Variants in RBFOX2 observed in about 807,000 individuals in gnomAD.
RBFOX2 encodes RNA binding fox-1 homolog 2, also known as RNA binding protein fox-1 homolog 2.
In RBFOX2, 10 loss-of-function variants were observed where a neutral mutation model predicts 49.1. The observed-to-expected ratio is 0.20, with a 90% confidence interval of 0.13 to 0.35. The LOEUF is 0.35. Among genes scored for constraint, RBFOX2 ranks in the 10% least tolerant of loss-of-function variants. The pLI is 1.00. For synonymous variants in RBFOX2, 183 were observed against 187.4 expected (o/e 0.98, Z 0.19); for missense variants, 323 against 486.9 (o/e 0.66, Z 3.17).
At chr22:35,741,956 C>T (rs1930171085) in exon 12 of RBFOX2, 1 of 152,348 alleles carries the variant, frequency 6.6e-6, no homozygotes, top group South Asian at 2.1e-4. Context: ...GGGAATGGCC[C>T]CTTTGTGATC....
chr22:35,949,446 C>T (rs1306162157), intron 1 of RBFOX2, among the ~76,000 whole-genome samples: 1 of 152,160 alleles, frequency 6.6e-6, no homozygotes, highest in Non-Finnish European at 1.5e-5. Context: ...GGTGTTTGCA[C>T]AGTGACAATA....
chr22:36,002,022 C>G (rs549569894), intron 1 of RBFOX2, among the ~76,000 whole-genome samples: 41 of 152,290 alleles, frequency 2.7e-4, no homozygotes, highest in African/African-American at 8.7e-4. Context: ...CGAGATTGTG[C>G]CACTGCACTC....
At chr22:36,020,120 A>G (rs1047158921) in intron 1 of RBFOX2, among the ~76,000 whole-genome samples, 1 of 152,224 alleles carries the variant, frequency 6.6e-6, no homozygotes, top group African/African-American at 2.4e-5. Context: ...GATCTTTGAC[A>G]AACCTGACAA....
chr22:35,943,241 T>C (rs1489644351), upstream of RBFOX2, among the ~76,000 whole-genome samples: 1 of 152,234 alleles, frequency 6.6e-6, no homozygotes, highest in African/African-American at 2.4e-5. Context: ...TATCTAATGA[T>C]ATGCAAGTCT....
intron 1 of RBFOX2, among the ~76,000 whole-genome samples, chr22:36,017,987 T>C (rs2059107548): frequency 6.6e-6 from 1 of 152,170 alleles, no homozygotes; most frequent in Non-Finnish European, 1.5e-5. Context: ...TCACACAACA[T>C]GCAGTCTTCA....
chr22:36,006,508 C>A (rs1421002567), intron 1 of RBFOX2, among the ~76,000 whole-genome samples: 1 of 152,106 alleles, frequency 6.6e-6, no homozygotes, highest in African/African-American at 2.4e-5. Flanking sequence ...AGACTATATT[C>A]CTCCATCTAC....
Position 35,749,422 on chromosome 22 carries a change from T to C in RBFOX2, c.888-2861A>G, listed in dbSNP as rs1246982842. The stretch of plus-strand genomic sequence containing the variant: ...TTAGGATAGATAGGCAATATCCTAC[T>C]AAACTAACTTGGTAATTCACTAATG... On this transcript the variant is annotated intron_variant, in intron 9 of 11. Transcript: ENST00000405409. This position sits in a 1 kb window ranked among gnomAD's most constrained non-coding sequence, Gnocchi z 4.1. Among the ~76,000 whole-genome samples, 2 of 152,174 alleles carry C rather than the reference T, an allele frequency of 1.3e-5. No individual in the cohort carries two copies. Among genetic ancestry groups the C allele is most frequent in the African/African-American group, 4.8e-5 (2 of 41,430 alleles).
chr22:35,857,010 T>C (rs1205905939), intron 1 of RBFOX2, among the ~76,000 whole-genome samples: 1 of 152,116 alleles, frequency 6.6e-6, no homozygotes, highest in African/African-American at 2.4e-5. Flanking sequence ...CCAGCATGGG[T>C]GACAGAGCGA....
At chr22:35,800,518 T>C (rs1949579116) in intron 2 of RBFOX2, among the ~76,000 whole-genome samples, 1 of 152,222 alleles carries the variant, frequency 6.6e-6, no homozygotes, top group Admixed American at 6.5e-5. Context: ...TCCCGAGGCA[T>C]TTTGATCCTT....
intron 1 of RBFOX2, among the ~76,000 whole-genome samples, chr22:35,930,962 A>C (rs1356120592): frequency 1.3e-5 from 2 of 152,278 alleles, no homozygotes; most frequent in Non-Finnish European, 2.9e-5. Flanking sequence ...GGCAGTGAGC[A>C]GCAGAAGAAA....
chr22:35,790,805 G>A (rs552559579), intron 2 of RBFOX2, among the ~76,000 whole-genome samples: 2 of 152,136 alleles, frequency 1.3e-5, no homozygotes, highest in African/African-American at 4.8e-5. Flanking sequence ...CCAGGAGTTC[G>A]AGACCAGCCT....
intron 4 of RBFOX2, among the ~76,000 whole-genome samples, chr22:35,771,474 G>C (rs545372834): frequency 1.2e-3 from 187 of 152,258 alleles, no homozygotes; most frequent in African/African-American, 4.3e-3. Flanking sequence ...CCTTGTGAGA[G>C]CCATTTTGGA....
At chr22:35,801,448 C>T (rs1046492524) in intron 2 of RBFOX2, among the ~76,000 whole-genome samples, 1 of 145,394 alleles carries the variant, frequency 6.9e-6, no homozygotes, top group Admixed American at 7.0e-5. Flanking sequence ...CACACACACA[C>T]TCTCTCTCTC....
In RBFOX2 at chr22:35,974,697, AC is replaced by A. The variant is rs1458194606; in HGVS notation, c.187-35801del. ...GCGAGACTCCGTATCAAAAACAAAAACAACAACAACAACAAAAACAGGCTAG... is the reference window on the plus strand; with the variant it reads ...GCGAGACTCCGTATCAAAAACAAAAAAACAACAACAACAAAAACAGGCTAG... On this transcript the variant is annotated intron_variant, in intron 1 of 13. Transcript: ENST00000438146. 7.9e-5 allele frequency among the ~76,000 whole-genome samples: 12 copies of A among 152,236 alleles called. No homozygotes were observed. The South Asian group carries it at 2.3e-3, about 29-fold the overall frequency.
chr22:35,889,987 C>A (rs577875147), intron 1 of RBFOX2, among the ~76,000 whole-genome samples: 146 of 152,258 alleles, frequency 9.6e-4, no homozygotes, highest in Non-Finnish European at 1.8e-3. Context: ...GATACACTGA[C>A]AAATGGCACA....
chr22:35,836,002 C>A (rs1004669270), intron 1 of RBFOX2, among the ~76,000 whole-genome samples: 3 of 151,946 alleles, frequency 2.0e-5, no homozygotes, highest in Non-Finnish European at 4.4e-5. Flanking sequence ...CAATCCCCGC[C>A]TATCCTCCAA....
upstream of RBFOX2, among the ~76,000 whole-genome samples, chr22:35,842,567 CTG>C (rs1261468061): frequency 6.6e-6 from 1 of 152,100 alleles, no homozygotes; most frequent in Non-Finnish European, 1.5e-5. Flanking sequence ...AATGGGATAA[CTG>C]TGTTTTCAGT....
chr22:35,964,410 G>A (rs1448048910), upstream of RBFOX2, among the ~76,000 whole-genome samples: 1 of 152,004 alleles, frequency 6.6e-6, no homozygotes, highest in East Asian at 1.9e-4. Context: ...TAAACTTCTG[G>A]ACAAACGGCA....
exon 12 of RBFOX2, chr22:35,744,078 T>G (rs1601975187): frequency 1.4e-6 from 1 of 713,168 alleles, no homozygotes. Context: ...TTTTTTTGTG[T>G]TTTTTTTTGT....
Sources: gnomAD v4.1 joint callset for allele counts (sites outside exome capture counted in the v4.1 genomes callset) on GRCh38, gnomAD v4.1.1 for gene constraint, Gnocchi (gnomAD v3.1) non-coding constraint, MANE v1.5 for transcripts, NCBI Gene and HGNC (gene_info 2026-07-23, HGNC 2026-07-21) for gene names.